FAM13B: variants seen among roughly 807,000 people sequenced by gnomAD.
The protein encoded by FAM13B is protein FAM13B.
FAM13B carries 60 observed loss-of-function variants against 117.3 expected under a neutral mutation model. The observed-to-expected ratio is 0.51, with a 90% CI of 0.42 to 0.63. The LOEUF is 0.63. Ranked by LOEUF, FAM13B falls within the 30% of genes least tolerant of loss-of-function variation. The pLI is 0.00. For synonymous variants in FAM13B, 332 were observed against 356.1 expected (o/e 0.93, Z 0.76); for missense variants, 972 against 1,091.9 (o/e 0.89, Z 1.55).
intron 7 of FAM13B, among the ~76,000 whole-genome samples, chr5:137,990,798 T>A (rs1313283940): frequency 6.6e-6 from 1 of 151,826 alleles, no homozygotes; most frequent in South Asian, 2.1e-4. Context: ...TCAAAAAAAA[T>A]AAACAAATAA....
At position 137,939,525 on chromosome 5, in the gene FAM13B, TTC is replaced by T. The variant is rs1463250195; in HGVS notation, c.*698_*699del. Reference sequence around the variant, plus strand: ...ATAGGCAGCATGTGGTATGATTCAGTTCTGTGTGTGATGTGTGGTGTGTGTTT... The same window carrying T: ...ATAGGCAGCATGTGGTATGATTCAGTTGTGTGTGATGTGTGGTGTGTGTTT... On this transcript the variant is annotated 3_prime_UTR_variant, in exon 24 of 24. Transcript: ENST00000689681. 5 of 155,056 alleles carry T rather than the reference TTC, an allele frequency of 3.2e-5. No individual in the cohort carries two copies. Among genetic ancestry groups the T allele is most frequent in the African/African-American group, 4.8e-5 (2 of 41,442 alleles). 9.6% of individuals were successfully genotyped at this position (155,056 alleles called of 1,614,324 possible).
intron 7 of FAM13B, among the ~76,000 whole-genome samples, chr5:137,998,200 G>A (rs1414800672): frequency 6.6e-6 from 1 of 152,176 alleles, no homozygotes; most frequent in African/African-American, 2.4e-5. Context: ...TAAAATTGTT[G>A]TTTAAAGTTT....
intron 10 of FAM13B, 143 bp from the exon 11 acceptor site, chr5:137,962,612 G>T: frequency 1.6e-6 from 1 of 635,684 alleles, no homozygotes; most frequent in Non-Finnish European, 2.6e-6. Flanking sequence ...GTAGTACTTA[G>T]CATCTCTTTT....
At chr5:137,977,238 C>T (rs1160169135) in intron 10 of FAM13B, among the ~76,000 whole-genome samples, 2 of 152,146 alleles carry the variant, frequency 1.3e-5, no homozygotes, top group Non-Finnish European at 2.9e-5. Flanking sequence ...TGCTCTCAAA[C>T]CCTGTCTCCT....
At chr5:137,969,671 G>A (rs1216946713) in intron 10 of FAM13B, among the ~76,000 whole-genome samples, 1 of 152,148 alleles carries the variant, frequency 6.6e-6, no homozygotes, top group Non-Finnish European at 1.5e-5. Context: ...CAAGCTACGG[G>A]AGGACATTCA....
chr5:137,971,873 A>G (rs1772290295), intron 10 of FAM13B, among the ~76,000 whole-genome samples: 1 of 152,244 alleles, frequency 6.6e-6, no homozygotes, highest in African/African-American at 2.4e-5. Context: ...AGAAATGGAT[A>G]AATTCTTCAA....
intron 10 of FAM13B, among the ~76,000 whole-genome samples, chr5:137,978,153 C>T (rs1359014669): frequency 1.3e-5 from 2 of 151,970 alleles, no homozygotes; most frequent in East Asian, 1.9e-4. Flanking sequence ...CAACTATATC[C>T]TATGATATGG....
chr5:137,979,798 C>T (rs746778184), intron 10 of FAM13B, among the ~76,000 whole-genome samples: 12 of 152,122 alleles, frequency 7.9e-5, no homozygotes, highest in Non-Finnish European at 1.5e-4. Flanking sequence ...GACTATAGTG[C>T]CCTAATAGCA....
rs1480900728 is a variant in FAM13B at position 137,959,649 on chromosome 5, G to C, written c.1408C>G (p.Leu470Val). Residue 470 changes from leucine to valine, a missense_variant, in exon 13 of 24, where the codon CTG (leucine) becomes GTG (valine). Coordinates refer to ENST00000689681, the MANE Select transcript of FAM13B (RefSeq NM_001385994.1). ...AACVSIPHLD[L>V]KNVSDGDKWE... ...TTATCACCATCAGAAACATTCTTCA[G>C]ATCTAAATGTGGAATACTGACACAC... 1 of 1,613,932 alleles carries C rather than the reference G, an allele frequency of 6.2e-7. No individual in the cohort carries two copies. The highest frequency in any genetic ancestry group is 1.3e-5 in the African/African-American group (1 of 75,058).
chr5:137,959,692 A>C lies in FAM13B; in HGVS notation c.1365T>G (p.Gly455=). The change falls in exon 13 of 24, where the codon GGT becomes GGG. Residue 455 remains glycine (G), a synonymous_variant. Transcript: ENST00000689681. ...ESEVPGGQSV[G]VQGEAACVSI... ...TGACACACGCTGCTTCCCCTTGAACACCAACACTCTGACCTCCTGGTACTT... is the reference window on the plus strand; with the variant it reads ...TGACACACGCTGCTTCCCCTTGAACCCCAACACTCTGACCTCCTGGTACTT... The C allele has an allele frequency of 6.2e-7, 1 of 1,613,962 alleles. No individual in the cohort carries two copies. The highest frequency in any genetic ancestry group is 8.5e-7 in the Non-Finnish European group (1 of 1,179,848).
At chr5:138,029,211 C>T (rs1313049219) in intron 1 of FAM13B, among the ~76,000 whole-genome samples, 1 of 152,144 alleles carries the variant, frequency 6.6e-6, no homozygotes, top group African/African-American at 2.4e-5. Flanking sequence ...AGGAAGCAAG[C>T]TCAGAGAGCT....
At chr5:138,039,507 C>T (rs1263802536) in intron 1 of FAM13B, 1 of 152,150 alleles carries the variant, frequency 6.6e-6, no homozygotes, top group Non-Finnish European at 1.5e-5. Flanking sequence ...CCAATTATAG[C>T]TCACTGCAGC....
In FAM13B at chr5:137,937,963, G is replaced by T. The variant is rs1027808660; in HGVS notation, c.*2262C>A. 4.0e-5 allele frequency: 6 copies of T among 151,274 alleles called. No individual in the cohort carries two copies. Among genetic ancestry groups the T allele is most frequent in the Non-Finnish European group, 8.8e-5 (6 of 67,894 alleles). 9.4% of individuals were successfully genotyped at this position (151,274 alleles called of 1,614,324 possible). A position where few individuals can be genotyped will look rare whatever the true frequency, so the allele number is the denominator to read the frequency against. ...ACAAACATACATTTACAATGACTTA[G>T]AACTTTCAAGTTCTTTTATTATAAA... On this transcript the variant is annotated 3_prime_UTR_variant, in exon 24 of 24. Transcript: ENST00000689681.
At chr5:138,036,799 G>A (rs1237999007), upstream of FAM13B, 1 of 348,000 alleles carries the variant, frequency 2.9e-6, no homozygotes, top group Non-Finnish European at 5.6e-6. Flanking sequence ...TAAAACAGTG[G>A]TTCTCAACTG....
intron 1 of FAM13B, among the ~76,000 whole-genome samples, chr5:138,042,347 T>C (rs1217695362): frequency 2.0e-5 from 3 of 152,138 alleles, no homozygotes; most frequent in African/African-American, 7.2e-5. Flanking sequence ...GGAAGTCTTT[T>C]TGAGGAAGGA....
chr5:137,977,687 CCTTTT>C (rs1208905772), intron 10 of FAM13B, among the ~76,000 whole-genome samples: 8 of 152,164 alleles, frequency 5.3e-5, no homozygotes, highest in South Asian at 2.1e-4. Flanking sequence ...CCTTCTCTTT[CCTTTT>C]AATTTCAATG....
At chr5:137,987,318 C>A in intron 9 of FAM13B, 143 bp downstream of exon 9, 2 of 633,418 alleles carry the variant, frequency 3.2e-6, no homozygotes, top group East Asian at 2.8e-5. Context: ...GATGTATATA[C>A]AAGTATATAT....
In FAM13B at chr5:137,943,027, T is replaced by A. The variant is rs771189913; in HGVS notation, c.2436A>T (p.Glu812Asp). Residue 812 changes from glutamate (E) to aspartate (D), a missense_variant, in exon 22 of 24, where the codon GAA becomes GAT. Glu to Asp is a conservative substitution (Grantham distance 45, BLOSUM62 2). Coordinates refer to ENST00000689681, the MANE Select transcript of FAM13B (RefSeq NM_001385994.1). ...ACTCAGAGGACAGATTAACACCATC[T>A]TCTTCTTCCTCCTAAAAAGATATCC... ...HFFEEIKEEE[E>D]DGVNLSSELG... 4 of 1,612,610 alleles carry A rather than the reference T, an allele frequency of 2.5e-6. No individual in the cohort carries two copies. The highest frequency in any genetic ancestry group is 1.3e-5 in the African/African-American group (1 of 74,770).
intron 9 of FAM13B, among the ~76,000 whole-genome samples, chr5:137,986,736 T>C (rs1010561662): frequency 1.3e-5 from 2 of 152,246 alleles, no homozygotes; most frequent in Non-Finnish European, 2.9e-5. Flanking sequence ...AACTGGCTCA[T>C]AAATTATTTT....
Sources: allele counts gnomAD v4.1 joint callset (sites outside exome capture counted in the v4.1 genomes callset), GRCh38; gene constraint gnomAD v4.1.1; transcripts MANE v1.5; gene names NCBI Gene and HGNC (gene_info 2026-07-23, HGNC 2026-07-21).